The following SIPA1L1 variants were observed in gnomAD, a reference collection of about 807,000 sequenced individuals.
SIPA1L1 encodes the protein signal induced proliferation associated 1 like 1.
Under a neutral mutation model 162.7 loss-of-function variants are expected in SIPA1L1, and 26 were observed. That is an observed-to-expected ratio of 0.16 (90% CI 0.12 to 0.22). The LOEUF (loss-of-function observed/expected upper bound fraction) is 0.22, where lower values mean the gene tolerates loss of function less well. Ranked by LOEUF, SIPA1L1 falls within the 10% of genes least tolerant of loss-of-function variation. SIPA1L1 has a pLI of 1.00. For missense variants in SIPA1L1, 1,874 were observed against 2,241.0 expected (o/e 0.84, Z 3.31); for synonymous variants, 829 against 837.4 (o/e 0.99, Z 0.17).
intron 13 of SIPA1L1, among the ~76,000 whole-genome samples, chr14:71,686,526 ATC>A (rs2080876115): frequency 1.3e-5 from 2 of 152,142 alleles, no homozygotes; most frequent in African/African-American, 4.8e-5. Flanking sequence ...GCTAGAAGTC[ATC>A]AACTTCTTTT....
At chr14:71,567,127 G>A (rs1041887584) in intron 4 of SIPA1L1, among the ~76,000 whole-genome samples, 1 of 152,194 alleles carries the variant, frequency 6.6e-6, no homozygotes, top group Non-Finnish European at 1.5e-5. Flanking sequence ...AAGCAAAGCT[G>A]TGGCAGCAAG....
At chr14:71,600,098 C>G (rs924025878) in intron 5 of SIPA1L1, among the ~76,000 whole-genome samples, 8 of 152,132 alleles carry the variant, frequency 5.3e-5, no homozygotes, top group African/African-American at 1.9e-4. Context: ...TTATGCTGTA[C>G]AAAAGCTTTT....
chr14:71,578,187 G>A (rs973868348), intron 4 of SIPA1L1, among the ~76,000 whole-genome samples: 3 of 152,124 alleles, frequency 2.0e-5, no homozygotes, highest in African/African-American at 7.2e-5. Context: ...GGGATTACAG[G>A]CGTGAGCCAC....
At chr14:71,558,812 T>A (rs1381131142) in intron 4 of SIPA1L1, among the ~76,000 whole-genome samples, 5 of 152,142 alleles carry the variant, frequency 3.3e-5, no homozygotes, top group African/African-American at 1.2e-4. Context: ...GCCTCCTAAA[T>A]AGCTGAGACT....
rs1313923235 is a variant in SIPA1L1 at position 71,739,900 on chromosome 14, T to A, written c.*739T>A. 2 of 152,238 alleles carry A rather than the reference T, an allele frequency of 1.3e-5. No individual in the cohort carries two copies. The highest frequency in any genetic ancestry group is 4.8e-5 in the African/African-American group (2 of 41,476). The allele number at this position is 152,238 out of a possible 1,614,324, so 9.4% of individuals were successfully genotyped here. A position where few individuals can be genotyped will look rare whatever the true frequency, so the allele number is the denominator to read the frequency against. On this transcript the variant is annotated 3_prime_UTR_variant, in exon 24 of 24. Coordinates refer to ENST00000381232, the MANE Select transcript of SIPA1L1 (RefSeq NM_001386936.1). ...GTCCCACTTGTGCTGCAAGACTCTT[T>A]TTTGTTTGGCTTAATTGAGCCCCAC... is the stretch of plus-strand genomic sequence containing the variant.
chr14:71,734,151 G>A (rs1223939462), intron 21 of SIPA1L1, among the ~76,000 whole-genome samples: 2 of 152,258 alleles, frequency 1.3e-5, no homozygotes, highest in African/African-American at 4.8e-5. Flanking sequence ...GCAAGACATT[G>A]TTGCTAAATG....
intron 2 of SIPA1L1, among the ~76,000 whole-genome samples, chr14:71,492,384 A>C (rs1377834464): frequency 6.6e-6 from 1 of 152,168 alleles, no homozygotes; most frequent in Non-Finnish European, 1.5e-5. Flanking sequence ...AAAGAGCCAG[A>C]AGTGGGGTTT....
At chr14:71,735,482 A>C in intron 22 of SIPA1L1, 91 bp downstream of exon 22, 1 of 868,610 alleles carries the variant, frequency 1.2e-6, no homozygotes, top group Non-Finnish European at 1.9e-6. Flanking sequence ...AGCCACACGG[A>C]GTAGCTGAGT....
chr14:71,560,802 T>G (rs1343581039), intron 4 of SIPA1L1, among the ~76,000 whole-genome samples: 2 of 152,204 alleles, frequency 1.3e-5, no homozygotes, highest in Non-Finnish European at 2.9e-5. Flanking sequence ...TTAGATAAAC[T>G]TAGAAGCCCT....
intron 2 of SIPA1L1, among the ~76,000 whole-genome samples, chr14:71,497,071 A>C (rs1248509843): frequency 6.6e-6 from 1 of 152,160 alleles, no homozygotes; most frequent in East Asian, 1.9e-4. Context: ...CAGGAGGCTG[A>C]GGCAGGAGAA....
intron 2 of SIPA1L1, chr14:71,330,842 A>G (rs1418221504): frequency 3.4e-6 from 2 of 586,702 alleles, no homozygotes; most frequent in Non-Finnish European, 6.2e-6. Context: ...GAGATAGATT[A>G]TTTGCAAATA....
At chr14:71,544,245 CAT>C (rs556589965) in intron 4 of SIPA1L1, among the ~76,000 whole-genome samples, 54 of 137,206 alleles carry the variant, frequency 3.9e-4, no homozygotes, top group East Asian at 2.7e-3. Flanking sequence ...TATGTATACA[CAT>C]ATGTATATAC....
intron 4 of SIPA1L1, among the ~76,000 whole-genome samples, chr14:71,561,629 C>T (rs1245841765): frequency 6.6e-6 from 1 of 152,126 alleles, no homozygotes; most frequent in Non-Finnish European, 1.5e-5. Context: ...CTCTTGTTGC[C>T]CAGGCTGGAG....
chr14:71,426,384 T>A (rs1289739293), intron 2 of SIPA1L1, among the ~76,000 whole-genome samples: 3 of 113,990 alleles, frequency 2.6e-5, no homozygotes, highest in South Asian at 2.5e-4. Context: ...ACCTTTAAAA[T>A]TTTTTTTTTC....
At chr14:71,574,538 G>A (rs2147100065) in intron 4 of SIPA1L1, 1 of 152,308 alleles carries the variant, frequency 6.6e-6, no homozygotes, top group African/African-American at 2.4e-5. Context: ...TTAAGCGAAG[G>A]AGGCTAAGAC....
At chr14:71,656,405 G>A (rs896423087) in intron 8 of SIPA1L1, among the ~76,000 whole-genome samples, 1 of 151,888 alleles carries the variant, frequency 6.6e-6, no homozygotes, top group African/African-American at 2.4e-5. Context: ...ACACGTCAGT[G>A]GTGACACATT....
chr14:71,484,230 C>G (rs1375340969), intron 2 of SIPA1L1, among the ~76,000 whole-genome samples: 1 of 151,116 alleles, frequency 6.6e-6, no homozygotes, highest in Non-Finnish European at 1.5e-5. Context: ...GTCACTCTGC[C>G]TCTCATTTTA....
intron 2 of SIPA1L1, among the ~76,000 whole-genome samples, chr14:71,323,495 A>C (rs2033393042): frequency 6.6e-6 from 1 of 152,164 alleles, no homozygotes; most frequent in African/African-American, 2.4e-5. Context: ...GCACAAATGA[A>C]GTATGAATAT....
At chr14:71,566,166 A>G (rs1309764371) in intron 4 of SIPA1L1, among the ~76,000 whole-genome samples, 2 of 152,192 alleles carry the variant, frequency 1.3e-5, no homozygotes, top group Non-Finnish European at 2.9e-5. Context: ...GTAACGGTAT[A>G]TTAGAAAATA....
Sources: gnomAD v4.1 joint callset for allele counts (sites outside exome capture counted in the v4.1 genomes callset) on GRCh38, gnomAD v4.1.1 for gene constraint, MANE v1.5 for transcripts, NCBI Gene and HGNC (gene_info 2026-07-23, HGNC 2026-07-21) for gene names.